POMT2: variants seen among roughly 807,000 people sequenced by gnomAD.
POMT2 encodes protein O-mannosyltransferase 2, also known as protein O-mannosyl-transferase 2.
In POMT2, 75 loss-of-function variants were observed where a neutral mutation model predicts 100.0. The observed-to-expected ratio is 0.75, with a 90% CI of 0.62 to 0.91. The LOEUF is 0.91. Among genes scored for constraint, POMT2 ranks in the 40% least tolerant of loss-of-function variants. POMT2 has a pLI of 0.00. For synonymous variants in POMT2, 378 were observed against 374.1 expected (o/e 1.01, Z -0.12); for missense variants, 940 against 955.1 (o/e 0.98, Z 0.21).
At chr14:77,303,100 G>A (rs1479088806) in intron 4 of POMT2, among the ~76,000 whole-genome samples, 157 bp from the exon 5 acceptor site, 1 of 152,142 alleles carries the variant, frequency 6.6e-6, no homozygotes, top group Non-Finnish European at 1.5e-5. Context: ...CATCAGGGAG[G>A]TAGAAGGCCA....
intron 1 of POMT2, 168 bp from the exon 2 acceptor site, chr14:77,312,201 C>A: frequency 1.7e-6 from 2 of 1,182,076 alleles, no homozygotes; most frequent in Non-Finnish European, 2.3e-6. Flanking sequence ...GGAAGAAAGA[C>A]ATCAAGCTGG....
Position 77,276,877 on chromosome 14 carries a change from G to A in POMT2, c.*499C>T, listed in dbSNP as rs559946203. On this transcript the variant is annotated 3_prime_UTR_variant, in exon 21 of 21. Coordinates refer to ENST00000261534, the MANE Select transcript of POMT2 (RefSeq NM_013382.7). ...TGCCTTTGGTGACATCCCAAGGTGA[G>A]GTCAGTATTCTCTGCCCTCAAGGCC... 1 of 167,960 alleles carries A rather than the reference G, an allele frequency of 6.0e-6. No homozygotes were observed. Among genetic ancestry groups the A allele is most frequent in the Non-Finnish European group, 1.3e-5 (1 of 76,208 alleles). 10.4% of individuals were successfully genotyped at this position (167,960 alleles called of 1,614,324 possible).
chr14:77,282,180 C>G (rs1890261824), intron 15 of POMT2, among the ~76,000 whole-genome samples: 1 of 152,218 alleles, frequency 6.6e-6, no homozygotes, highest in Non-Finnish European at 1.5e-5. Flanking sequence ...CCAGCCAGAA[C>G]TGTACCAAGC....
intron 4 of POMT2, among the ~76,000 whole-genome samples, chr14:77,303,377 T>C (rs896294169): frequency 3.3e-5 from 5 of 152,182 alleles, no homozygotes; most frequent in Non-Finnish European, 5.9e-5. Flanking sequence ...GTGATGTTTT[T>C]TAATTTAAAT....
At chr14:77,291,556 G>A in intron 9 of POMT2, 176 bp from the exon 10 acceptor site, 1 of 771,868 alleles carries the variant, frequency 1.3e-6, no homozygotes, top group Non-Finnish European at 2.1e-6. Flanking sequence ...TGTAGCACTG[G>A]TGAGTGAGAT....
intron 1 of POMT2, among the ~76,000 whole-genome samples, chr14:77,316,975 G>C (rs1227973222): frequency 1.3e-5 from 2 of 152,154 alleles, no homozygotes; most frequent in Non-Finnish European, 2.9e-5. Context: ...CCACACTAAG[G>C]GCAGGTACTC....
chr14:77,278,646 CAG>C, intron 19 of POMT2, 81 bp downstream of exon 19: 3 of 1,573,434 alleles, frequency 1.9e-6, no homozygotes, highest in South Asian at 1.1e-5. Context: ...CGTCAAGGAG[CAG>C]AGTCACTCCC....
chr14:77,279,722 A>C, intron 18 of POMT2, 101 bp downstream of exon 18: 1 of 1,182,428 alleles, frequency 8.5e-7, no homozygotes. Flanking sequence ...GTGGGGTGGT[A>C]AACGCAAAGG....
chr14:77,302,678 T>G (rs1409126684), intron 5 of POMT2, among the ~76,000 whole-genome samples, 157 bp downstream of exon 5: 3 of 144,710 alleles, frequency 2.1e-5, no homozygotes, highest in Non-Finnish European at 4.6e-5. Context: ...TGATCTAAAA[T>G]GGACAATCTA....
intron 15 of POMT2, 32 bp downstream of exon 15, chr14:77,283,765 G>C (rs774432578): frequency 1.9e-6 from 3 of 1,550,644 alleles, no homozygotes; most frequent in Admixed American, 3.3e-5. Context: ...AAAGCTCTTA[G>C]AGACGCCATG....
At chr14:77,280,627 C>G (rs573499476) in intron 15 of POMT2, among the ~76,000 whole-genome samples, 164 bp from the exon 16 acceptor site, 1 of 152,228 alleles carries the variant, frequency 6.6e-6, no homozygotes, top group South Asian at 2.1e-4. Context: ...TGCCTACCTA[C>G]GACACTTGCT....
Position 77,320,827 on chromosome 14 carries a change from G to GGGGCGGGGC in POMT2, c.-155_-147dup. 1 of 1,363,362 alleles carries GGGGCGGGGC rather than the reference G, an allele frequency of 7.3e-7. No individual in the cohort carries two copies. Among genetic ancestry groups the GGGGCGGGGC allele is most frequent in the Non-Finnish European group, 9.4e-7 (1 of 1,061,738 alleles). 84.5% of individuals were successfully genotyped at this position (1,363,362 alleles called of 1,614,324 possible). A position where few individuals can be genotyped will look rare whatever the true frequency, so the allele number is the denominator to read the frequency against. ...CAGCGGAGCGCGGGGCCCCGGGCTCGGGGCGGGGCGGGCAGCGTGGTCGCG... is the reference window on the plus strand; with the variant it reads ...CAGCGGAGCGCGGGGCCCCGGGCTCGGGGCGGGGCGGGCGGGGCGGGCAGCGTGGTCGCG... On this transcript the variant is annotated 5_prime_UTR_variant, in exon 1 of 21. Transcript: ENST00000261534.
Position 77,291,316 on chromosome 14 carries a change from G to A in POMT2, c.1181C>T (p.Ser394Leu). 3 of 1,607,446 alleles carry A rather than the reference G, an allele frequency of 1.9e-6. No individual in the cohort carries two copies. Among genetic ancestry groups the A allele is most frequent in the Non-Finnish European group, 2.5e-6 (3 of 1,178,216 alleles). Residue 394 changes from serine (S) to leucine (L), a missense_variant and splice_region_variant, in exon 10 of 21, where the codon TCA (serine) becomes TTA (leucine). Transcript: ENST00000261534. Reference sequence around the variant, plus strand: ...GCATCAGTCTCTGACCACATTACCTGAGTTTGTGTTATGTTTCTTGATAAT... The same window carrying A: ...GCATCAGTCTCTGACCACATTACCTAAGTTTGTGTTATGTTTCTTGATAAT... ...LWIIKKHNTNSDPLDPSFPVE... is the reference protein window; with the variant it reads ...LWIIKKHNTNLDPLDPSFPVE...
intron 2 of POMT2, chr14:77,306,866 G>A (rs1487498497): frequency 3.4e-5 from 8 of 236,584 alleles, no homozygotes; most frequent in Non-Finnish European, 3.3e-5. Flanking sequence ...CAGTGAGAGA[G>A]AAAAGAGACC....
chr14:77,282,232 G>C (rs566861647), intron 15 of POMT2, among the ~76,000 whole-genome samples: 1 of 152,260 alleles, frequency 6.6e-6, no homozygotes, highest in Admixed American at 6.5e-5. Context: ...GAGAAATCCT[G>C]CTCTGTTGCT....
At chr14:77,307,926 A>G (rs1056798310) in intron 2 of POMT2, among the ~76,000 whole-genome samples, 5 of 142,766 alleles carry the variant, frequency 3.5e-5, no homozygotes, top group Non-Finnish European at 6.0e-5. Flanking sequence ...GCGGTGGCAC[A>G]ATCTCAGCTC....
At chr14:77,319,350 G>A (rs1407854376) in intron 1 of POMT2, 2 of 152,340 alleles carry the variant, frequency 1.3e-5, no homozygotes, top group East Asian at 3.9e-4. Context: ...CTGAAAAGAT[G>A]TGAGTAGCCA....
chr14:77,307,634 T>G (rs1891270197), intron 2 of POMT2, among the ~76,000 whole-genome samples: 1 of 152,174 alleles, frequency 6.6e-6, no homozygotes, highest in South Asian at 2.1e-4. Flanking sequence ...AGAAGAAATG[T>G]ACAGATGCTT....
At chr14:77,307,913 A>G (rs1372208931) in intron 2 of POMT2, among the ~76,000 whole-genome samples, 4 of 124,866 alleles carry the variant, frequency 3.2e-5, no homozygotes, top group African/African-American at 9.6e-5. Flanking sequence ...CCCAGGCTGG[A>G]GTGCGGTGGC....
Sources: allele counts gnomAD v4.1 joint callset (sites outside exome capture counted in the v4.1 genomes callset), GRCh38; gene constraint gnomAD v4.1.1; transcripts MANE v1.5; gene names NCBI Gene and HGNC (gene_info 2026-07-23, HGNC 2026-07-21).